Variants in FHIT observed in about 807,000 individuals in gnomAD.
FHIT encodes the protein fragile histidine triad diadenosine triphosphatase, also known as bis(5'-adenosyl)-triphosphatase.
Under a neutral mutation model 17.9 loss-of-function variants are expected in FHIT, and 19 were observed. That is an observed-to-expected ratio of 1.06 (90% confidence interval 0.74 to 1.56). The LOEUF is 1.56. Among genes scored for constraint, FHIT ranks in the 40% most tolerant of loss-of-function variants. FHIT has a pLI of 0.00. For missense variants in FHIT, 248 were observed against 189.2 expected, an observed-to-expected ratio of 1.31 and a Z score of -1.82; for synonymous variants, 81 against 69.7, an observed-to-expected ratio of 1.16 and a Z score of -0.81.
chr3:61,162,847 T>C (rs1334730098), intron 2 of FHIT, among the ~76,000 whole-genome samples: 6 of 152,196 alleles, frequency 3.9e-5, no homozygotes, highest in Admixed American at 3.9e-4. Context: ...TTTGTAACAT[T>C]CTTTTCAGTA....
rs140152050 is a variant in FHIT at position 60,763,612 on chromosome 3, C to T, written c.-18+58307G>A. Among the ~76,000 whole-genome samples, 244 of 152,214 alleles carry T rather than the reference C, an allele frequency of 1.6e-3. 3 individuals are homozygous for T. Among genetic ancestry groups the T allele is most frequent in the African/African-American group, 5.3e-3 (219 of 41,514 alleles). ...ACCCAGGTCTGAATTATTCTAAAGC[C>T]CATGTATGTATCCAGCAACACATGG... On this transcript the variant is annotated intron_variant, in intron 4 of 9. Transcript: ENST00000492590.
intron 4 of FHIT, among the ~76,000 whole-genome samples, chr3:60,624,049 C>A (rs72889670): frequency 0.011 from 1,674 of 152,216 alleles, 37 homozygotes; most frequent in African/African-American, 0.039. Context: ...AACAGAAAAA[C>A]TGACTCAGAG....
chr3:59,803,414 T>G (rs11926030), intron 8 of FHIT, among the ~76,000 whole-genome samples: 7,751 of 152,236 alleles, frequency 0.051, 418 homozygotes, highest in African/African-American at 0.13. Flanking sequence ...GTGAGCGGGC[T>G]TGCTTCCATG....
At chr3:61,023,318 A>C (rs1343650054) in intron 3 of FHIT, among the ~76,000 whole-genome samples, 1 of 152,214 alleles carries the variant, frequency 6.6e-6, no homozygotes, top group Non-Finnish European at 1.5e-5. Context: ...GGAGAACTAC[A>C]AACCACTGCT....
At chr3:60,059,033 G>T (rs539579904) in intron 5 of FHIT, among the ~76,000 whole-genome samples, 24 of 152,158 alleles carry the variant, frequency 1.6e-4, no homozygotes, top group Non-Finnish European at 2.9e-4. Flanking sequence ...GTTACAGTAG[G>T]TAGGTAGTCA....
At chr3:59,838,049 G>A (rs892497595) in intron 8 of FHIT, among the ~76,000 whole-genome samples, 2 of 152,076 alleles carry the variant, frequency 1.3e-5, no homozygotes, top group African/African-American at 2.4e-5. Flanking sequence ...GATTCCAGAA[G>A]TCATTTTGTC....
intron 4 of FHIT, among the ~76,000 whole-genome samples, chr3:60,544,048 G>A (rs952785933): frequency 6.6e-6 from 1 of 150,944 alleles, no homozygotes; most frequent in Admixed American, 6.6e-5. Flanking sequence ...ATGAGCCACC[G>A]CGCCCGGACT....
At position 60,989,899 on chromosome 3, in the gene FHIT, A is replaced by T. The variant is rs146617170; in HGVS notation, c.-111+52148T>A. On this transcript the variant is annotated intron_variant, in intron 3 of 9. Coordinates refer to ENST00000492590, the MANE Select transcript of FHIT (RefSeq NM_002012.4). ...TAAAAGCCTGAGGTGGAAGGAAGAG[A>T]TGAATGTGCAGGCTTGAATCAGAGG... is the stretch of plus-strand genomic sequence containing the variant. 1.7e-3 allele frequency among the ~76,000 whole-genome samples: 259 copies of T among 152,310 alleles called. 2 individuals carry two copies. The highest frequency in any genetic ancestry group is 0.01 in the Middle Eastern group (3 of 294).
At chr3:61,190,849 C>T (rs1319497426) in intron 2 of FHIT, among the ~76,000 whole-genome samples, 1 of 147,806 alleles carries the variant, frequency 6.8e-6, no homozygotes. Context: ...CCAAACACCG[C>T]ATGTTCTCAT....
At chr3:59,978,082 A>G (rs1406108610) in intron 7 of FHIT, among the ~76,000 whole-genome samples, 3 of 152,220 alleles carry the variant, frequency 2.0e-5, no homozygotes, top group Non-Finnish European at 2.9e-5. Flanking sequence ...GTTCATCCTC[A>G]TAATAAACCT....
chr3:60,354,662 T>C (rs2106959237), intron 5 of FHIT, among the ~76,000 whole-genome samples: 1 of 152,290 alleles, frequency 6.6e-6, no homozygotes, highest in East Asian at 1.9e-4. Flanking sequence ...CAATTCTATA[T>C]CAAAGCCAAC....
chr3:60,022,940 T>C (rs1700605104), intron 5 of FHIT, among the ~76,000 whole-genome samples: 1 of 152,236 alleles, frequency 6.6e-6, no homozygotes, highest in Non-Finnish European at 1.5e-5. Context: ...CCTAGAGATA[T>C]ACAGAAGTGT....
intron 7 of FHIT, among the ~76,000 whole-genome samples, chr3:59,944,528 T>A (rs1035547030): frequency 1.3e-5 from 2 of 152,080 alleles, no homozygotes. Context: ...TTTTTTTATT[T>A]AAACTTTTAT....
At chr3:60,636,014 T>A (rs1267861023) in intron 4 of FHIT, among the ~76,000 whole-genome samples, 1 of 152,142 alleles carries the variant, frequency 6.6e-6, no homozygotes, top group Non-Finnish European at 1.5e-5. Context: ...ACTGGATTCA[T>A]GACTTTAACC....
At position 60,697,012 on chromosome 3, in the gene FHIT, T is replaced by C. The variant is rs1286358228; in HGVS notation, c.-18+124907A>G. 2.6e-5 allele frequency among the ~76,000 whole-genome samples: 4 copies of C among 152,168 alleles called. No homozygotes were observed. In the East Asian group the frequency reaches 7.7e-4, roughly 29 times the overall value. On this transcript the variant is annotated intron_variant, in intron 4 of 9. Transcript: ENST00000492590. ...TTTCTTTTAAAGGATTACCCTTTAGTCTCTCCTACATGGAAAACTCAAGTA... is the reference window on the plus strand; with the variant it reads ...TTTCTTTTAAAGGATTACCCTTTAGCCTCTCCTACATGGAAAACTCAAGTA...
intron 5 of FHIT, among the ~76,000 whole-genome samples, chr3:60,117,393 T>C (rs1425805835): frequency 6.6e-6 from 1 of 151,396 alleles, no homozygotes; most frequent in Non-Finnish European, 1.5e-5. Flanking sequence ...GAAAAGAGGA[T>C]TTAAATTTTT....
intron 3 of FHIT, among the ~76,000 whole-genome samples, chr3:61,008,875 A>G (rs1466566116): frequency 1.3e-5 from 2 of 152,212 alleles, no homozygotes; most frequent in African/African-American, 4.8e-5. Flanking sequence ...CATGTTAAAA[A>G]ATAATGGAAC....
At chr3:60,876,024 A>C (rs558643333) in intron 3 of FHIT, among the ~76,000 whole-genome samples, 10 of 151,790 alleles carry the variant, frequency 6.6e-5, no homozygotes, top group African/African-American at 2.4e-4. Context: ...GCAATCAGAG[A>C]TCTCTGAAGA....
intron 4 of FHIT, among the ~76,000 whole-genome samples, chr3:60,789,175 TAGAGAG>T (rs59757824): frequency 1.4e-3 from 146 of 102,680 alleles, no homozygotes; most frequent in Non-Finnish European, 1.9e-3. Context: ...TATATATATA[TAGAGAG>T]AGAGAGAGAG....
Sources: gnomAD v4.1 joint callset for allele counts (sites outside exome capture counted in the v4.1 genomes callset) on GRCh38, gnomAD v4.1.1 for gene constraint, MANE v1.5 for transcripts, NCBI Gene and HGNC (gene_info 2026-07-23, HGNC 2026-07-21) for gene names.